NFKB1: variants seen among roughly 807,000 people sequenced by gnomAD.
The protein encoded by NFKB1 is nuclear factor NF-kappa-B p105 subunit.
Under a neutral mutation model 105.1 loss-of-function variants are expected in NFKB1, and 9 were observed. The ratio of observed to expected loss-of-function variants is 0.09; its 90% CI spans 0.05 to 0.15. NFKB1 has a LOEUF of 0.15. NFKB1 is among the 10% of genes least tolerant of loss of function. NFKB1 has a pLI of 1.00. For missense variants in NFKB1, 830 were observed against 1,203.7 expected (o/e 0.69, Z 4.59); for synonymous variants, 440 against 442.2 (o/e 1.00, Z 0.06).
intron 2 of NFKB1, among the ~76,000 whole-genome samples, chr4:102,529,394 G>T (rs1741130836): frequency 6.6e-6 from 1 of 151,954 alleles, no homozygotes; most frequent in Non-Finnish European, 1.5e-5. Flanking sequence ...CTAGATGAGG[G>T]GTATATTTAC....
At chr4:102,532,576 C>T (rs975678704) in intron 3 of NFKB1, among the ~76,000 whole-genome samples, 2 of 151,814 alleles carry the variant, frequency 1.3e-5, no homozygotes, top group East Asian at 1.9e-4. Flanking sequence ...TGTGGTGAGC[C>T]GAGATTGTGC....
chr4:102,580,083 AC>A (rs1369325690), intron 8 of NFKB1, among the ~76,000 whole-genome samples: 1 of 152,170 alleles, frequency 6.6e-6, no homozygotes, highest in Non-Finnish European at 1.5e-5. Flanking sequence ...CATTTTCCTT[AC>A]CTGTAAAATA....
chr4:102,539,185 C>T lies in NFKB1; in HGVS notation c.258+1229C>T, dbSNP rs555625938. On this transcript the variant is annotated intron_variant, in intron 5 of 23. Transcript: ENST00000226574. ...CTGGGAAGCGGAGGTTGCAGTGAGC[C>T]GAGACTGTGCCACTGGACTCCATCC... is the stretch of plus-strand genomic sequence containing the variant. 4.2e-5 allele frequency among the ~76,000 whole-genome samples: 6 copies of T among 142,222 alleles called. No individual in the cohort carries two copies. In the South Asian group the frequency reaches 1.3e-3, roughly 31 times the overall value. The allele number at this position is 142,222 out of a possible 152,430, so 93.3% of individuals were successfully genotyped here. A position where few individuals can be genotyped will look rare whatever the true frequency, so the allele number is the denominator to read the frequency against.
chr4:102,577,076 G>C (rs541231003), intron 7 of NFKB1, 37 bp downstream of exon 7: 1 of 1,585,160 alleles, frequency 6.3e-7, no homozygotes, highest in Non-Finnish European at 8.6e-7. Flanking sequence ...CCTCCAAGGG[G>C]TCCAGGCTTT....
intron 5 of NFKB1, among the ~76,000 whole-genome samples, chr4:102,541,054 A>G (rs990322909): frequency 1.3e-5 from 2 of 152,154 alleles, no homozygotes; most frequent in Non-Finnish European, 1.5e-5. Flanking sequence ...ACTTGGCATT[A>G]TTGACATTTG....
At chr4:102,579,104 A>G (rs1725108900) in intron 8 of NFKB1, 65 bp downstream of exon 8, 8 of 1,530,416 alleles carry the variant, frequency 5.2e-6, no homozygotes, top group Non-Finnish European at 7.1e-6. Context: ...CCTGCCATTT[A>G]CTTGCTAGCT....
intron 10 of NFKB1, among the ~76,000 whole-genome samples, 172 bp from the exon 11 acceptor site, chr4:102,584,510 G>A (rs945247274): frequency 1.3e-5 from 2 of 152,178 alleles, no homozygotes; most frequent in African/African-American, 2.4e-5. Context: ...AAAATGTATC[G>A]GTATAGAATT....
intron 5 of NFKB1, among the ~76,000 whole-genome samples, chr4:102,555,643 G>C (rs928757723): frequency 6.6e-6 from 1 of 152,160 alleles, no homozygotes; most frequent in Admixed American, 6.6e-5. Flanking sequence ...GATCTAACGA[G>C]AGAAAACAGC....
chr4:102,610,401 ATTT>A (rs1476547932), intron 19 of NFKB1, among the ~76,000 whole-genome samples, 171 bp from the exon 20 acceptor site: 3 of 152,240 alleles, frequency 2.0e-5, no homozygotes, highest in Non-Finnish European at 4.4e-5. Flanking sequence ...GTAAATTACA[ATTT>A]TAAAATAATT....
intron 1 of NFKB1, among the ~76,000 whole-genome samples, chr4:102,512,258 T>A (rs908792519): frequency 6.6e-6 from 1 of 152,260 alleles, no homozygotes; most frequent in African/African-American, 2.4e-5. Flanking sequence ...TCACATCTGA[T>A]GTTATCAGAC....
rs1578776684 is a variant in NFKB1 at position 102,571,096 on chromosome 4, A to G, written c.407+3961A>G. On this transcript the variant is annotated intron_variant, in intron 6 of 23. Transcript: ENST00000226574. Reference sequence around the variant, plus strand: ...TGACTTCAAACTATACTACAAGGCTACAGTAACCAAAACAGCATGGTACTG... The same window carrying G: ...TGACTTCAAACTATACTACAAGGCTGCAGTAACCAAAACAGCATGGTACTG... Among the ~76,000 whole-genome samples the G allele has an allele frequency of 2.0e-5, 3 of 152,388 alleles. 1 individual carries two copies. Among genetic ancestry groups the G allele is most frequent in the Middle Eastern group, 6.8e-3 (2 of 294 alleles).
At chr4:102,502,754 T>TACA (rs1259898662) in intron 1 of NFKB1, among the ~76,000 whole-genome samples, 1 of 152,202 alleles carries the variant, frequency 6.6e-6, no homozygotes, top group East Asian at 1.9e-4. Context: ...TGGACTTTGT[T>TACA]AAGTAGAGGT....
At chr4:102,582,709 A>G (rs576175619) in intron 9 of NFKB1, among the ~76,000 whole-genome samples, 157 bp from the exon 10 acceptor site, 1 of 152,290 alleles carries the variant, frequency 6.6e-6, no homozygotes, top group Non-Finnish European at 1.5e-5. Flanking sequence ...AAAGTCAGTG[A>G]TTTGTGAAGA....
chr4:102,543,605 A>T (rs552559090), intron 5 of NFKB1, among the ~76,000 whole-genome samples: 27 of 131,738 alleles, frequency 2.0e-4, no homozygotes, highest in African/African-American at 6.3e-4. Context: ...CTACTGATTT[A>T]AAAAAAAAAA....
At chr4:102,557,021 A>C (rs372013997) in intron 5 of NFKB1, 1 of 152,370 alleles carries the variant, frequency 6.6e-6, no homozygotes, top group East Asian at 1.9e-4. Context: ...GTAAAAACAG[A>C]ATGGTTAGCC....
intron 5 of NFKB1, among the ~76,000 whole-genome samples, chr4:102,561,519 A>G (rs1013362306): frequency 3.9e-5 from 6 of 152,194 alleles, no homozygotes; most frequent in Non-Finnish European, 1.5e-5. Context: ...GCAAAGTAGA[A>G]CTATGAAACA....
chr4:102,521,336 CA>C (rs1046663230), intron 1 of NFKB1, among the ~76,000 whole-genome samples: 2 of 150,538 alleles, frequency 1.3e-5, no homozygotes, highest in African/African-American at 4.8e-5. Context: ...TATTAGCCAG[CA>C]GAGAAATGAT....
intron 1 of NFKB1, among the ~76,000 whole-genome samples, chr4:102,505,994 C>A (rs1294337309): frequency 6.6e-6 from 1 of 152,000 alleles, no homozygotes; most frequent in Admixed American, 6.6e-5. Context: ...TTATGGAAAT[C>A]TTATCTAAAG....
At chr4:102,576,774 C>G in intron 6 of NFKB1, 102 bp from the exon 7 acceptor site, 1 of 1,198,160 alleles carries the variant, frequency 8.3e-7, no homozygotes, top group South Asian at 1.5e-5. Flanking sequence ...CATTGAGGGC[C>G]TGTGTATTTT....
Sources: gnomAD v4.1 joint callset for allele counts (sites outside exome capture counted in the v4.1 genomes callset) on GRCh38, gnomAD v4.1.1 for gene constraint, MANE v1.5 for transcripts, NCBI Gene and HGNC (gene_info 2026-07-23, HGNC 2026-07-21) for gene names.